Variants in TBL3 observed in about 807,000 individuals in gnomAD.
TBL3 encodes transducin beta like 3.
Under a neutral mutation model 102.7 loss-of-function variants are expected in TBL3, and 71 were observed. The observed-to-expected ratio is 0.69, with a 90% CI of 0.57 to 0.84. TBL3 has a LOEUF of 0.84. Among genes scored for constraint, TBL3 ranks in the 40% least tolerant of loss-of-function variants. TBL3 has a pLI of 0.00. For synonymous variants in TBL3, 578 were observed against 477.7 expected (o/e 1.21, Z -2.74); for missense variants, 1,188 against 1,098.5 (o/e 1.08, Z -1.15).
rs1464638324 is a variant in TBL3 at position 1,980,066 on chromosome 16, C to T, written c.*1381C>T. On this transcript the variant is annotated 3_prime_UTR_variant, in exon 22 of 22. Coordinates refer to ENST00000568546, the MANE Select transcript of TBL3 (RefSeq NM_006453.3). Reference sequence around the variant, plus strand: ...GCCTGAAAAGGCCTATCCCGCGTGTCCTGGGTACAGAAGGGCTGCAGGCAG... The same window carrying T: ...GCCTGAAAAGGCCTATCCCGCGTGTTCTGGGTACAGAAGGGCTGCAGGCAG... 1.9e-6 allele frequency: 3 copies of T among 1,608,024 alleles called. No individual in the cohort carries two copies. Among genetic ancestry groups the T allele is most frequent in the South Asian group, 2.2e-5 (2 of 90,150 alleles).
Position 1,978,601 on chromosome 16 carries a change from G to C in TBL3, c.2343G>C (p.Leu781Phe), listed in dbSNP as rs1478526268. 1.2e-6 allele frequency: 2 copies of C among 1,612,780 alleles called. No individual in the cohort carries two copies. The highest frequency in any genetic ancestry group is 2.2e-5 in the South Asian group (2 of 91,076). ...LSRTLQAAAFLDFLWHNMKLP... is the reference protein window; with the variant it reads ...LSRTLQAAAFFDFLWHNMKLP... The stretch of plus-strand genomic sequence containing the variant: ...GGACCCTCCAGGCCGCCGCTTTCTT[G>C]GACTTCCTGTGGCACAACATGAAGC... The change falls in exon 22 of 22, where the codon TTG becomes TTC. Residue 781 changes from leucine to phenylalanine, a missense_variant. Coordinates refer to ENST00000568546, the MANE Select transcript of TBL3 (RefSeq NM_006453.3).
At position 1,979,650 on chromosome 16, in the gene TBL3, C is replaced by G; in HGVS notation, c.*965C>G. On this transcript the variant is annotated 3_prime_UTR_variant, in exon 22 of 22. Coordinates refer to ENST00000568546, the MANE Select transcript of TBL3 (RefSeq NM_006453.3). The stretch of plus-strand genomic sequence containing the variant: ...TGAGTCTGCTGACGGCGGGGCCGCT[C>G]TAAGACCGGTTCGGGGCTTCCTCTA... 8.0e-7 allele frequency: 1 copy of G among 1,253,696 alleles called. No homozygotes were observed. Among genetic ancestry groups the G allele is most frequent in the Non-Finnish European group, 1.1e-6 (1 of 897,366 alleles). 77.7% of individuals were successfully genotyped at this position (1,253,696 alleles called of 1,614,324 possible). A position where few individuals can be genotyped will look rare whatever the true frequency, so the allele number is the denominator to read the frequency against.
intron 1 of TBL3, among the ~76,000 whole-genome samples, chr16:1,973,139 G>A (rs973034341): frequency 1.4e-4 from 21 of 152,200 alleles, no homozygotes; most frequent in African/African-American, 4.8e-4. Flanking sequence ...CTGGCAGCAG[G>A]GTTAAGAGGT....
Position 1,978,949 on chromosome 16 carries a change from C to A in TBL3, c.*264C>A, listed in dbSNP as rs1046127154. The stretch of plus-strand genomic sequence containing the variant: ...GAACAAGCTTTACTCAGAGGAACAG[C>A]AAATGGCCCCCTCCCATCCCTGCTG... On this transcript the variant is annotated 3_prime_UTR_variant, in exon 22 of 22. Coordinates refer to ENST00000568546, the MANE Select transcript of TBL3 (RefSeq NM_006453.3). 28 of 1,230,306 alleles carry A rather than the reference C, an allele frequency of 2.3e-5. No individual in the cohort carries two copies. Among genetic ancestry groups the A allele is most frequent in the Non-Finnish European group, 3.0e-5 (27 of 894,802 alleles). 76.2% of individuals were successfully genotyped at this position (1,230,306 alleles called of 1,614,324 possible).
rs374744123 is a variant in TBL3 at position 1,978,445 on chromosome 16, C to T, written c.2267C>T (p.Ala756Val). The T allele has an allele frequency of 1.4e-5, 23 of 1,608,362 alleles. No homozygotes were observed. In the East Asian group the frequency reaches 2.5e-4, roughly 17 times the overall value. ...CTGGCCTACGAAGGCGTGCGGGCAGCGCTTGAGGCCCTGCTGCCCTACACT... is the reference window on the plus strand; with the variant it reads ...CTGGCCTACGAAGGCGTGCGGGCAGTGCTTGAGGCCCTGCTGCCCTACACT... ...ELLAYEGVRA[A>V]LEALLPYTER... Residue 756 changes from alanine (A) to valine (V), a missense_variant, in exon 21 of 22, where the codon GCG becomes GTG. Physicochemically the swap from Ala to Val is moderately conservative, Grantham distance 64. Transcript: ENST00000568546.
Position 1,981,338 on chromosome 16 carries a change from C to T in TBL3, c.*2653C>T. 1 of 1,436,692 alleles carries T rather than the reference C, an allele frequency of 7.0e-7. No homozygotes were observed. Among genetic ancestry groups the T allele is most frequent in the Non-Finnish European group, 9.1e-7 (1 of 1,098,220 alleles). 89.0% of individuals were successfully genotyped at this position (1,436,692 alleles called of 1,614,324 possible). A position where few individuals can be genotyped will look rare whatever the true frequency, so the allele number is the denominator to read the frequency against. ...CTTGTGGAGCCGCCCCAGCTGAGTC[C>T]TTTGCAGCTTTCTTGCTGTCCCCCA... On this transcript the variant is annotated 3_prime_UTR_variant, in exon 22 of 22. Coordinates refer to ENST00000568546, the MANE Select transcript of TBL3 (RefSeq NM_006453.3).
Position 1,981,369 on chromosome 16 carries a change from A to G in TBL3, c.*2684A>G. 7.3e-7 allele frequency: 1 copy of G among 1,377,246 alleles called. No individual in the cohort carries two copies. The allele number at this position is 1,377,246 out of a possible 1,614,324, so 85.3% of individuals were successfully genotyped here. A position where few individuals can be genotyped will look rare whatever the true frequency, so the allele number is the denominator to read the frequency against. ...AGCTTTCTTGCTGTCCCCCAAGCCC[A>G]CGATCTGGGGGCAGGAGCACAGGGA... On this transcript the variant is annotated 3_prime_UTR_variant, in exon 22 of 22. Coordinates refer to ENST00000568546, the MANE Select transcript of TBL3 (RefSeq NM_006453.3).
chr16:1,979,411 C>A lies in TBL3; in HGVS notation c.*726C>A, dbSNP rs12928922. Reference sequence around the variant, plus strand: ...CTCGGCTAGCCTGCCCTGCCCACGCCCGCTCCCGCGTACCTGCATAGCCAC... The same window carrying A: ...CTCGGCTAGCCTGCCCTGCCCACGCACGCTCCCGCGTACCTGCATAGCCAC... On this transcript the variant is annotated 3_prime_UTR_variant, in exon 22 of 22. Transcript: ENST00000568546. 0.084 allele frequency: 135,359 copies of A among 1,603,976 alleles called. 6,379 individuals carry two copies. The highest frequency in any genetic ancestry group is 0.092 in the Non-Finnish European group (107,815 of 1,177,920).
At position 1,976,192 on chromosome 16, in the gene TBL3, C is replaced by T; in HGVS notation, c.1189-19C>T. 1 of 1,614,120 alleles carries T rather than the reference C, an allele frequency of 6.2e-7. No homozygotes were observed. Among genetic ancestry groups the T allele is most frequent in the Non-Finnish European group, 8.5e-7 (1 of 1,180,020 alleles). ...GTAGGCCCATGGACCAGCCTCTCTC[C>T]TCAACTCCCTGTCCCCAGGATCAGA... On this transcript the variant is annotated intron_variant, in intron 12 of 21. Transcript: ENST00000568546.
Position 1,977,967 on chromosome 16 carries a change from G to A in TBL3, c.1968G>A (p.Glu656=). Residue 656 remains glutamate, a synonymous_variant, in exon 19 of 22, where the codon GAG becomes GAA. Coordinates refer to ENST00000568546, the MANE Select transcript of TBL3 (RefSeq NM_006453.3). ...CCTCCCCTCCCCACAGGCAGCAAGA[G>A]CTGGACAACCTGCTGCATGAGAAGC... ...RQEEQVVRQQ[E]LDNLLHEKRY... is the part of the protein sequence containing the mutation. The A allele has an allele frequency of 6.2e-7, 1 of 1,600,304 alleles. No homozygotes were observed. Among genetic ancestry groups the A allele is most frequent in the Non-Finnish European group, 8.5e-7 (1 of 1,173,412 alleles).
At position 1,975,280 on chromosome 16, in the gene TBL3, C is replaced by T; in HGVS notation, c.711+18C>T. On this transcript the variant is annotated intron_variant, in intron 8 of 21. Coordinates refer to ENST00000568546, the MANE Select transcript of TBL3 (RefSeq NM_006453.3). ...TGTTTGAGGTGGGGATGCCTGGAGG[C>T]CAGGGCTGGTTGAGTTGGGTGGGGA... 22 of 1,613,920 alleles carry T rather than the reference C, an allele frequency of 1.4e-5. No homozygotes were observed. The highest frequency in any genetic ancestry group is 1.9e-5 in the Non-Finnish European group (22 of 1,180,004).
Position 1,978,331 on chromosome 16 carries a change from G to C in TBL3, c.2153G>C (p.Cys718Ser), listed in dbSNP as rs772635237. 6.2e-7 allele frequency: 1 copy of C among 1,610,230 alleles called. No individual in the cohort carries two copies. The highest frequency in any genetic ancestry group is 1.1e-5 in the South Asian group (1 of 90,794). The change falls in exon 21 of 22, where the codon TGC becomes TCC. Residue 718 changes from cysteine to serine, a missense_variant. Coordinates refer to ENST00000568546, the MANE Select transcript of TBL3 (RefSeq NM_006453.3). ...RDQKEALLRF[C>S]VTWNTNSRHC... is the part of the protein sequence containing the mutation. ...CCCACAGAGGCCCTGCTGCGCTTCT[G>C]CGTCACGTGGAACACCAACTCGCGG...
At chr16:1,973,996 G>A (rs2083378796) in intron 1 of TBL3, 60 bp from the exon 2 acceptor site, 5 of 1,483,926 alleles carry the variant, frequency 3.4e-6, no homozygotes, top group East Asian at 2.3e-5. Context: ...CTAGCACAGG[G>A]CGGGGCCCTG....
At chr16:1,972,298 C>G (rs1016423542) in intron 1 of TBL3, 93 bp downstream of exon 1, 2 of 1,236,916 alleles carry the variant, frequency 1.6e-6, no homozygotes, top group Non-Finnish European at 2.1e-6. Context: ...CATTGGGGTC[C>G]GTGGAGGCGA....
chr16:1,980,406 G>T lies in TBL3; in HGVS notation c.*1721G>T, dbSNP rs770987957. On this transcript the variant is annotated 3_prime_UTR_variant, in exon 22 of 22. Coordinates refer to ENST00000568546, the MANE Select transcript of TBL3 (RefSeq NM_006453.3). ...CGCGGGCTCCAGGTCCAGGGGTTGC[G>T]GTGCGAAGAAGCCAGTGATCGTCGG... is the stretch of plus-strand genomic sequence containing the variant. 6.2e-7 allele frequency: 1 copy of T among 1,602,972 alleles called. No individual in the cohort carries two copies.
At chr16:1,974,135 CG>C in intron 2 of TBL3, 28 bp downstream of exon 2, 1 of 1,571,154 alleles carries the variant, frequency 6.4e-7, no homozygotes, top group Non-Finnish European at 8.7e-7. Flanking sequence ...GGCAGTGGGG[CG>C]GGCAGCCAGA....
At position 1,974,368 on chromosome 16, in the gene TBL3, T is replaced by A. The variant is rs780627238; in HGVS notation, c.190-8T>A. Reference sequence around the variant, plus strand: ...ACACCGTGCTCGGCACACCACTCTTTCTCCTAGGAGGACCAGGAGGACATC... The same window carrying A: ...ACACCGTGCTCGGCACACCACTCTTACTCCTAGGAGGACCAGGAGGACATC... On this transcript the variant is annotated splice_polypyrimidine_tract_variant and splice_region_variant and intron_variant, in intron 3 of 21. Transcript: ENST00000568546. The A allele has an allele frequency of 1.2e-6, 2 of 1,607,506 alleles. No homozygotes were observed. Among genetic ancestry groups the A allele is most frequent in the Non-Finnish European group, 1.7e-6 (2 of 1,176,296 alleles).
At chr16:1,976,441 G>C (rs2240690) in intron 13 of TBL3, 127 bp downstream of exon 13, 75,664 of 808,546 alleles carry the variant, frequency 0.094, 6,905 homozygotes, top group African/African-American at 0.34. Flanking sequence ...CCAGCCCAAA[G>C]ATGTGGAACA....
At position 1,975,174 on chromosome 16, in the gene TBL3, G is replaced by A. The variant is rs373098120; in HGVS notation, c.636-13G>A. 728 of 1,613,740 alleles carry A rather than the reference G, an allele frequency of 4.5e-4. 3 individuals carry two copies. Among genetic ancestry groups the A allele is most frequent in the Non-Finnish European group, 5.7e-4 (671 of 1,180,010 alleles). Reference sequence around the variant, plus strand: ...GGCTAAGACTTGACCTGAGGTTGCCGTTGCTCCTTCAGCTCCGGCCGTGAC... The same window carrying A: ...GGCTAAGACTTGACCTGAGGTTGCCATTGCTCCTTCAGCTCCGGCCGTGAC... On this transcript the variant is annotated splice_polypyrimidine_tract_variant and intron_variant, in intron 7 of 21. Coordinates refer to ENST00000568546, the MANE Select transcript of TBL3 (RefSeq NM_006453.3).
Sources: allele counts gnomAD v4.1 joint callset (sites outside exome capture counted in the v4.1 genomes callset), GRCh38; gene constraint gnomAD v4.1.1; transcripts MANE v1.5; gene names NCBI Gene and HGNC (gene_info 2026-07-23, HGNC 2026-07-21).